Variants in ELP3 observed in about 807,000 individuals in gnomAD.
ELP3 encodes the protein elongator complex protein 3.
Under a neutral mutation model 74.9 loss-of-function variants are expected in ELP3, and 56 were observed. That is an observed-to-expected ratio of 0.75 (90% confidence interval 0.60 to 0.93). The LOEUF (loss-of-function observed/expected upper bound fraction) is 0.93, where lower values mean the gene tolerates loss of function less well. Ranked by LOEUF, ELP3 falls within the 40% of genes least tolerant of loss-of-function variation. ELP3 has a pLI of 0.00. For missense variants in ELP3, 573 were observed against 686.5 expected (o/e 0.83, Z 1.85); for synonymous variants, 222 against 239.8 (o/e 0.93, Z 0.68).
At chr8:28,122,889 T>C (rs754372354) in intron 7 of ELP3, among the ~76,000 whole-genome samples, 10 of 151,880 alleles carry the variant, frequency 6.6e-5, no homozygotes, top group Non-Finnish European at 1.2e-4. Context: ...CTTTGGGAGG[T>C]GAGGTGGGCG....
chr8:28,126,959 G>T (rs1812600334), intron 7 of ELP3, among the ~76,000 whole-genome samples: 1 of 152,092 alleles, frequency 6.6e-6, no homozygotes, highest in Non-Finnish European at 1.5e-5. Context: ...CTTTTCAGAT[G>T]CAAATACAAT....
chr8:28,133,299 T>C (rs1812850637), intron 9 of ELP3, among the ~76,000 whole-genome samples: 1 of 152,144 alleles, frequency 6.6e-6, no homozygotes. Context: ...ATATTTTTAG[T>C]ATTAGTTTAT....
At chr8:28,185,442 C>T (rs529106505) in intron 14 of ELP3, among the ~76,000 whole-genome samples, 1 of 152,174 alleles carries the variant, frequency 6.6e-6, no homozygotes, top group African/African-American at 2.4e-5. Flanking sequence ...TTTATTGCAT[C>T]TTGATTATAT....
intron 3 of ELP3, among the ~76,000 whole-genome samples, chr8:28,103,633 A>G (rs13439880): frequency 0.59 from 89,693 of 152,148 alleles, 28,548 homozygotes; most frequent in East Asian, 0.92. Context: ...CTCTTCCAGC[A>G]TGGCTGCACC....
intron 10 of ELP3, among the ~76,000 whole-genome samples, chr8:28,139,773 T>C (rs985077737): frequency 2.6e-5 from 4 of 152,054 alleles, no homozygotes; most frequent in Non-Finnish European, 5.9e-5. Flanking sequence ...GGTGAAACCC[T>C]GTCTCTACTA....
At chr8:28,094,891 T>C (rs1469420879) in intron 1 of ELP3, among the ~76,000 whole-genome samples, 1 of 152,238 alleles carries the variant, frequency 6.6e-6, no homozygotes, top group Admixed American at 6.5e-5. Context: ...CCATATTATA[T>C]GTATTCTTTT....
intron 14 of ELP3, among the ~76,000 whole-genome samples, chr8:28,187,114 G>T (rs1355583724): frequency 6.6e-6 from 1 of 152,002 alleles, no homozygotes; most frequent in Non-Finnish European, 1.5e-5. Context: ...CTTTACTCAG[G>T]CTAAATACCC....
intron 11 of ELP3, among the ~76,000 whole-genome samples, chr8:28,158,050 C>CAAAAAA (rs11323782): frequency 1.1e-5 from 1 of 93,664 alleles, no homozygotes; most frequent in Non-Finnish European, 2.2e-5. Context: ...GCCCTTCTTG[C>CAAAAAA]AAAAAAAAAA....
chr8:28,153,236 G>T (rs1391817091), intron 10 of ELP3, among the ~76,000 whole-genome samples: 3 of 152,072 alleles, frequency 2.0e-5, no homozygotes, highest in Non-Finnish European at 4.4e-5. Flanking sequence ...ACCAAAGAAG[G>T]GCCTAATATT....
chr8:28,189,236 C>T (rs1479758625), intron 14 of ELP3, among the ~76,000 whole-genome samples: 1 of 152,224 alleles, frequency 6.6e-6, no homozygotes, highest in Non-Finnish European at 1.5e-5. Flanking sequence ...TCTGGGAAAC[C>T]GTCTATCGTT....
intron 14 of ELP3, among the ~76,000 whole-genome samples, chr8:28,179,546 C>T (rs764935136): frequency 2.0e-5 from 3 of 151,964 alleles, no homozygotes; most frequent in East Asian, 1.9e-4. Flanking sequence ...GATTCAAGTG[C>T]GTTACATTTA....
intron 6 of ELP3, 24 bp from the exon 7 acceptor site, chr8:28,112,995 A>G (rs1310012749): frequency 1.2e-6 from 2 of 1,608,648 alleles, no homozygotes; most frequent in East Asian, 4.5e-5. Flanking sequence ...ATATCATTCT[A>G]ATGCTGATGA....
intron 1 of ELP3, among the ~76,000 whole-genome samples, chr8:28,096,057 C>T (rs1811241467): frequency 6.6e-6 from 1 of 152,160 alleles, no homozygotes; most frequent in Non-Finnish European, 1.5e-5. Flanking sequence ...TCAGCAGTGG[C>T]ATTAGATTCT....
At chr8:28,123,319 C>A (rs1436632781) in intron 7 of ELP3, among the ~76,000 whole-genome samples, 1 of 152,132 alleles carries the variant, frequency 6.6e-6, no homozygotes, top group Non-Finnish European at 1.5e-5. Flanking sequence ...AATTTCCAGA[C>A]AATGAGGTTT....
At chr8:28,176,461 A>G (rs372966409) in intron 14 of ELP3, among the ~76,000 whole-genome samples, 3 of 152,226 alleles carry the variant, frequency 2.0e-5, no homozygotes, top group South Asian at 4.2e-4. Flanking sequence ...ATAAGTTACC[A>G]TTCCTGTGGC....
chr8:28,090,439 T>C (rs749058639), upstream of ELP3: 5 of 299,154 alleles, frequency 1.7e-5, no homozygotes, highest in Non-Finnish European at 2.6e-5. Context: ...CCCAGGCTGT[T>C]GCTTCTTGGT....
intron 1 of ELP3, among the ~76,000 whole-genome samples, chr8:28,096,621 C>T (rs1811263509): frequency 6.6e-6 from 1 of 152,178 alleles, no homozygotes; most frequent in Non-Finnish European, 1.5e-5. Context: ...TCTGCTGTTG[C>T]CTTTGGATGA....
chr8:28,141,591 G>C (rs1003322615), intron 10 of ELP3, among the ~76,000 whole-genome samples: 1 of 152,192 alleles, frequency 6.6e-6, no homozygotes, highest in African/African-American at 2.4e-5. Context: ...GGTTATGTAA[G>C]AGAATATCCT....
chr8:28,106,850 C>G, intron 4 of ELP3, 67 bp downstream of exon 4: 1 of 1,192,386 alleles, frequency 8.4e-7, no homozygotes, highest in South Asian at 1.2e-5. Context: ...CCCTCTAGCC[C>G]TTAGTCAGTA....
Sources: gnomAD v4.1 joint callset for allele counts (sites outside exome capture counted in the v4.1 genomes callset) on GRCh38, gnomAD v4.1.1 for gene constraint, MANE v1.5 for transcripts, NCBI Gene and HGNC (gene_info 2026-07-23, HGNC 2026-07-21) for gene names.